IST1: variants seen among roughly 807,000 people sequenced by gnomAD.
IST1 encodes the protein IST1 factor associated with ESCRT-III, also known as IST1 homolog.
IST1 carries 23 observed loss-of-function variants against 37.0 expected under a neutral mutation model. The observed-to-expected ratio is 0.62, with a 90% CI of 0.45 to 0.88. The LOEUF is 0.88. Among genes scored for constraint, IST1 ranks in the 40% least tolerant of loss-of-function variants. The probability of loss-of-function intolerance (pLI) is 0.00; values close to 1 mark genes in which losing one functional copy is unlikely to be tolerated. For missense variants in IST1, 488 were observed against 445.4 expected, an observed-to-expected ratio of 1.10 and a Z score of -0.86; for synonymous variants, 180 against 161.7, an observed-to-expected ratio of 1.11 and a Z score of -0.86.
At chr16:71,915,158 A>G (rs1285835627) in intron 1 of IST1, among the ~76,000 whole-genome samples, 1 of 152,182 alleles carries the variant, frequency 6.6e-6, no homozygotes, top group Admixed American at 6.5e-5. Context: ...AATATTTTCA[A>G]TTATGGGTCT....
chr16:71,926,100 G>T (rs948721793), intron 9 of IST1, among the ~76,000 whole-genome samples: 1 of 151,984 alleles, frequency 6.6e-6, no homozygotes, highest in Admixed American at 6.6e-5. Flanking sequence ...TGGTCAACAT[G>T]GTGAAACCCT....
At position 71,911,366 on chromosome 16, in the gene IST1, A is replaced by AC. The variant is rs397688739; in HGVS notation, c.-15-4259dup. On this transcript the variant is annotated intron_variant, in intron 1 of 9. Coordinates refer to ENST00000378799, the MANE Select transcript of IST1 (RefSeq NM_001270975.2). ...GCTACGTTACCTTTTTTTAAAAAAAACTATTGCTATACAAAGTTCAGCCAG... is the reference window on the plus strand; with the variant it reads ...GCTACGTTACCTTTTTTTAAAAAAAACCTATTGCTATACAAAGTTCAGCCAG... 5.3e-3 allele frequency among the ~76,000 whole-genome samples: 792 copies of AC among 150,796 alleles called. 5 individuals are homozygous for AC. The highest frequency in any genetic ancestry group is 0.018 in the African/African-American group (759 of 41,044).
chr16:71,920,707 C>T (rs1555510594), intron 4 of IST1, 32 bp from the exon 5 acceptor site: 2 of 1,519,736 alleles, frequency 1.3e-6, no homozygotes, highest in South Asian at 1.1e-5. Flanking sequence ...GGAGTGGTCT[C>T]TATTTTTATT....
rs1346864828 is a variant in IST1 at position 71,916,637 on chromosome 16, T to C, written c.264T>C (p.Ser88=). ...LLLARFGLIQ[S]MKELDSGLAE... ...TGGCTCGGTTTGGCCTTATCCAGTCTATGAAGTAAGATATTTTGATTCAGA... is the reference window on the plus strand; with the variant it reads ...TGGCTCGGTTTGGCCTTATCCAGTCCATGAAGTAAGATATTTTGATTCAGA... The change falls in exon 3 of 10, where the codon TCT becomes TCC. Residue 88 remains serine (S), a synonymous_variant. Coordinates refer to ENST00000378799, the MANE Select transcript of IST1 (RefSeq NM_001270975.2). 6.2e-7 allele frequency: 1 copy of C among 1,609,682 alleles called. No homozygotes were observed. Among genetic ancestry groups the C allele is most frequent in the Non-Finnish European group, 8.5e-7 (1 of 1,178,172 alleles).
Position 71,916,642 on chromosome 16 carries a change from A to G in IST1, c.269A>G (p.Lys90Arg), listed in dbSNP as rs2037473893. 6 of 1,605,978 alleles carry G rather than the reference A, an allele frequency of 3.7e-6. No individual in the cohort carries two copies. Among genetic ancestry groups the G allele is most frequent in the Non-Finnish European group, 5.1e-6 (6 of 1,176,056 alleles). Residue 90 changes from lysine (K) to arginine (R), a missense_variant and splice_region_variant, in exon 3 of 10, where the codon AAG (lysine) becomes AGG (arginine). Lys to Arg is a conservative substitution (Grantham distance 26). This residue lies in a region of IST1 where 455 missense variants were observed against 386.2 expected (regional missense o/e 1.18). Transcript: ENST00000378799. Reference protein sequence around the residue: ...LARFGLIQSMKELDSGLAESV... With the variant: ...LARFGLIQSMRELDSGLAESV... ...CGGTTTGGCCTTATCCAGTCTATGA[A>G]GTAAGATATTTTGATTCAGAGACCT...
intron 1 of IST1, among the ~76,000 whole-genome samples, chr16:71,899,819 C>A (rs887727805): frequency 6.6e-6 from 1 of 151,676 alleles, no homozygotes; most frequent in Non-Finnish European, 1.5e-5. Context: ...GTCAGGAGAT[C>A]GAGACCATCC....
At position 71,916,755 on chromosome 16, in the gene IST1, A is replaced by G. The variant is rs1047430378; in HGVS notation, c.269+113A>G. ...CACATGCCCAAGGATCTGCTGCCTA[A>G]CAGTTGCTGAAAGGCCTGTTAAAAA... On this transcript the variant is annotated intron_variant, in intron 3 of 9. Coordinates refer to ENST00000378799, the MANE Select transcript of IST1 (RefSeq NM_001270975.2). 6 of 885,362 alleles carry G rather than the reference A, an allele frequency of 6.8e-6. No individual in the cohort carries two copies. The African/African-American group carries it at 8.4e-5, about 12-fold the overall frequency. 54.8% of individuals were successfully genotyped at this position (885,362 alleles called of 1,614,324 possible).
chr16:71,900,265 C>G (rs773534112), intron 1 of IST1, among the ~76,000 whole-genome samples: 4 of 150,894 alleles, frequency 2.7e-5, no homozygotes, highest in South Asian at 4.2e-4. Flanking sequence ...TGACCTTGCT[C>G]TCTCCCCTCC....
At position 71,923,325 on chromosome 16, in the gene IST1, C is replaced by T. The variant is rs766115549; in HGVS notation, c.797C>T (p.Ala266Val). The change falls in exon 8 of 10, where the codon GCC (alanine) becomes GTC (valine). Residue 266 changes from alanine to valine, a missense_variant. By Grantham distance (64) the Ala-to-Val change is moderately conservative. Transcript: ENST00000378799. ...GGACTGCCAATGGGGACTTATCAGGCCTTTCCCAATATTCATCCACCTCAG... is the reference window on the plus strand; with the variant it reads ...GGACTGCCAATGGGGACTTATCAGGTCTTTCCCAATATTCATCCACCTCAG... ...FNGLPMGTYQ[A>V]FPNIHPPQIP... is the part of the protein sequence containing the mutation. 6.2e-7 allele frequency: 1 copy of T among 1,612,606 alleles called. No individual in the cohort carries two copies.
chr16:71,919,315 C>T (rs2037529995), intron 4 of IST1, among the ~76,000 whole-genome samples: 1 of 150,500 alleles, frequency 6.6e-6, no homozygotes, highest in Admixed American at 6.6e-5. Flanking sequence ...TTGTTTCTGC[C>T]AGAGGCCTTT....
chr16:71,926,952 C>A (rs1286248829), intron 9 of IST1, among the ~76,000 whole-genome samples: 2 of 152,028 alleles, frequency 1.3e-5, no homozygotes, highest in Non-Finnish European at 2.9e-5. Flanking sequence ...TGCCCCCAAT[C>A]CCTAAAGAAT....
rs749332321 is a variant in IST1 at position 71,927,768 on chromosome 16, T to C, written c.1056T>C (p.Phe352=). 6.2e-6 allele frequency: 10 copies of C among 1,614,016 alleles called. No homozygotes were observed. The East Asian group carries it at 2.2e-4, about 36-fold the overall frequency. Reference sequence around the variant, plus strand: ...CCTCAGCATCTGAAGACATTGACTTTGATGATCTTTCCCGGAGGTTTGAAG... The same window carrying C: ...CCTCAGCATCTGAAGACATTGACTTCGATGATCTTTCCCGGAGGTTTGAAG... ...ASTSASEDID[F]DDLSRRFEEL... is the part of the protein sequence containing the mutation. The change falls in exon 10 of 10, where the codon TTT becomes TTC. Residue 352 remains phenylalanine, a synonymous_variant. Coordinates refer to ENST00000378799, the MANE Select transcript of IST1 (RefSeq NM_001270975.2).
intron 1 of IST1, among the ~76,000 whole-genome samples, chr16:71,912,418 T>C (rs1339993055): frequency 6.6e-6 from 1 of 152,166 alleles, no homozygotes; most frequent in East Asian, 1.9e-4. Context: ...TTTGTATTTT[T>C]AGTGGAGACG....
In IST1 at chr16:71,921,337, T is replaced by A. The variant is rs369406902; in HGVS notation, c.442-6T>A. The stretch of plus-strand genomic sequence containing the variant: ...GCATCTTAGCCCTGGGTCTTTTTAC[T>A]TACAGCTAATGCACAAGCTGAGTGT... On this transcript the variant is annotated splice_region_variant and splice_polypyrimidine_tract_variant and intron_variant, in intron 5 of 9. Coordinates refer to ENST00000378799, the MANE Select transcript of IST1 (RefSeq NM_001270975.2). The A allele has an allele frequency of 1.3e-6, 2 of 1,589,056 alleles. No homozygotes were observed. The highest frequency in any genetic ancestry group is 1.7e-6 in the Non-Finnish European group (2 of 1,158,434).
intron 1 of IST1, among the ~76,000 whole-genome samples, chr16:71,907,435 G>C (rs1394438709): frequency 1.3e-5 from 2 of 151,644 alleles, no homozygotes; most frequent in Non-Finnish European, 2.9e-5. Flanking sequence ...CCGCCACCAC[G>C]CCCGGCTAAT....
In IST1 at chr16:71,929,804, GC is replaced by G; in HGVS notation, c.*1992del. The stretch of plus-strand genomic sequence containing the variant: ...AAAGATACTATTTCTTTAATAATTT[GC>G]AGTCAGGCATTGGAGTGTTTCCACT... On this transcript the variant is annotated 3_prime_UTR_variant, in exon 10 of 10. Coordinates refer to ENST00000378799, the MANE Select transcript of IST1 (RefSeq NM_001270975.2). 1 of 1,080,240 alleles carries G rather than the reference GC, an allele frequency of 9.3e-7. No homozygotes were observed. The highest frequency in any genetic ancestry group is 1.3e-6 in the Non-Finnish European group (1 of 769,486). 66.9% of individuals were successfully genotyped at this position (1,080,240 alleles called of 1,614,324 possible).
upstream of IST1, chr16:71,894,727 G>T: frequency 1.9e-6 from 1 of 532,648 alleles, no homozygotes; most frequent in South Asian, 3.1e-5. Flanking sequence ...GTAGCGATGC[G>T]GTTTCACTAT....
chr16:71,901,270 G>C (rs1597232228), intron 1 of IST1, among the ~76,000 whole-genome samples: 1 of 152,128 alleles, frequency 6.6e-6, no homozygotes. Context: ...CTGGAGTGCA[G>C]TAGCACGATC....
At chr16:71,910,013 T>C (rs1276596133) in intron 1 of IST1, among the ~76,000 whole-genome samples, 2 of 152,202 alleles carry the variant, frequency 1.3e-5, no homozygotes, top group African/African-American at 4.8e-5. Flanking sequence ...AAAAATAAAT[T>C]GTGTGGGAGT....
Sources: allele counts gnomAD v4.1 joint callset (sites outside exome capture counted in the v4.1 genomes callset), GRCh38; gene constraint gnomAD v4.1.1; regional missense constraint gnomAD v4.1.1; transcripts MANE v1.5; gene names NCBI Gene and HGNC (gene_info 2026-07-23, HGNC 2026-07-21).